SPECC1: variants seen among roughly 807,000 people sequenced by gnomAD.
SPECC1 encodes the protein sperm antigen with calponin homology and coiled-coil domains 1.
In SPECC1, 62 loss-of-function variants were observed where a neutral mutation model predicts 104.1. That is an observed-to-expected ratio of 0.60 (90% CI 0.49 to 0.74). SPECC1 has a LOEUF of 0.74. Among genes scored for constraint, SPECC1 ranks in the 30% least tolerant of loss-of-function variants. SPECC1 has a pLI of 0.00. For missense variants in SPECC1, 1,306 were observed against 1,310.5 expected (o/e 1.00, Z 0.05); for synonymous variants, 513 against 501.6 (o/e 1.02, Z -0.30).
intron 12 of SPECC1, among the ~76,000 whole-genome samples, chr17:20,287,605 T>A (rs1035928278): frequency 3.9e-5 from 6 of 152,150 alleles, no homozygotes; most frequent in African/African-American, 1.4e-4. Flanking sequence ...AAATACACCT[T>A]AGAGCTCATG....
intron 4 of SPECC1, among the ~76,000 whole-genome samples, chr17:20,216,976 G>A (rs1459254590): frequency 1.3e-5 from 2 of 151,690 alleles, no homozygotes; most frequent in African/African-American, 2.4e-5. Context: ...AACATAGCGA[G>A]ACCCCATGTC....
chr17:20,112,127 C>T (rs2048525254), intron 3 of SPECC1: 1 of 763,540 alleles, frequency 1.3e-6, no homozygotes, highest in Non-Finnish European at 2.4e-6. Flanking sequence ...TACTTTACAA[C>T]CACACAGAGC....
chr17:20,316,703 G>GTT lies in SPECC1; in HGVS notation c.*2648_*2649dup. 1 of 180,118 alleles carries GTT rather than the reference G, an allele frequency of 5.6e-6. No individual in the cohort carries two copies. The highest frequency in any genetic ancestry group is 1.2e-5 in the Non-Finnish European group (1 of 85,312). The allele number at this position is 180,118 out of a possible 1,614,324, so 11.2% of individuals were successfully genotyped here. A position where few individuals can be genotyped will look rare whatever the true frequency, so the allele number is the denominator to read the frequency against. On this transcript the variant is annotated 3_prime_UTR_variant, in exon 15 of 15. Transcript: ENST00000395527. The stretch of plus-strand genomic sequence containing the variant: ...GTGTTTTTTTTGTTGTTGTTTGTTT[G>GTT]TTTTTTTTTTTGAGACAGAGTCTTG...
At chr17:20,224,225 G>A (rs1377291397) in intron 4 of SPECC1, among the ~76,000 whole-genome samples, 1 of 152,182 alleles carries the variant, frequency 6.6e-6, no homozygotes, top group African/African-American at 2.4e-5. Flanking sequence ...ATGCTGAGCT[G>A]CCTGGAGTTG....
chr17:20,199,383 GTTT>G (rs3077216), intron 3 of SPECC1, among the ~76,000 whole-genome samples: 7,123 of 62,442 alleles, frequency 0.11, 722 homozygotes, highest in African/African-American at 0.33. Flanking sequence ...CACCGTGCTG[GTTT>G]TTTTTTTTTT....
intron 12 of SPECC1, among the ~76,000 whole-genome samples, chr17:20,271,156 C>T (rs557801957): frequency 6.6e-5 from 10 of 151,844 alleles, no homozygotes; most frequent in South Asian, 2.1e-4. Flanking sequence ...AGCAGTCAGC[C>T]GGCCTGAGAG....
chr17:20,025,782 C>T (rs2044576333), intron 1 of SPECC1, among the ~76,000 whole-genome samples: 1 of 152,174 alleles, frequency 6.6e-6, no homozygotes, highest in Non-Finnish European at 1.5e-5. Context: ...TGAGGAGCTG[C>T]CAGACTGTTT....
chr17:20,047,069 A>T (rs985516088), intron 1 of SPECC1, among the ~76,000 whole-genome samples: 1 of 152,238 alleles, frequency 6.6e-6, no homozygotes, highest in Non-Finnish European at 1.5e-5. Context: ...TGAAGTTCCC[A>T]TTAATGAGCA....
At chr17:20,191,743 G>A (rs2035688000) in intron 3 of SPECC1, among the ~76,000 whole-genome samples, 1 of 151,842 alleles carries the variant, frequency 6.6e-6, no homozygotes, top group African/African-American at 2.4e-5. Flanking sequence ...GAAAGAACAT[G>A]CGATGTTTGG....
intron 1 of SPECC1, among the ~76,000 whole-genome samples, chr17:20,080,751 T>A (rs1408389101): frequency 6.6e-6 from 1 of 152,108 alleles, no homozygotes; most frequent in African/African-American, 2.4e-5. Flanking sequence ...GAGCCCTTAC[T>A]GCATGGGAGG....
chr17:20,170,925 ATC>A (rs1217701965), intron 3 of SPECC1, among the ~76,000 whole-genome samples: 1 of 152,166 alleles, frequency 6.6e-6, no homozygotes, highest in Non-Finnish European at 1.5e-5. Flanking sequence ...CAGAGAATTC[ATC>A]TCTTTCTCTA....
Position 20,156,775 on chromosome 17 carries a change from T to C in SPECC1, c.283+46213T>C, listed in dbSNP as rs188040104. On this transcript the variant is annotated intron_variant, in intron 3 of 14. Transcript: ENST00000395527. ...TTTACTTCCTCAGTCCTGAGTGAGC[T>C]TCGTGGAGTCAGTTGGGCCGTAGTT... 1.2e-4 allele frequency among the ~76,000 whole-genome samples: 19 copies of C among 152,312 alleles called. No individual in the cohort carries two copies. The East Asian group carries it at 3.7e-3, about 29-fold the overall frequency.
chr17:20,015,806 G>C (rs2044099878), intron 1 of SPECC1, among the ~76,000 whole-genome samples: 1 of 149,478 alleles, frequency 6.7e-6, no homozygotes, highest in African/African-American at 2.4e-5. Context: ...GGATGATCTC[G>C]ATCTCCTGAC....
chr17:20,051,077 T>G (rs2045733625), intron 1 of SPECC1, among the ~76,000 whole-genome samples: 1 of 52,032 alleles, frequency 1.9e-5, no homozygotes, highest in African/African-American at 7.6e-5. Flanking sequence ...TTTTTCTTTC[T>G]TTCTTTCTTT....
chr17:20,156,461 C>CGGGGCCGCCGGGCA (rs1233223841), intron 3 of SPECC1, among the ~76,000 whole-genome samples: 4 of 152,270 alleles, frequency 2.6e-5, no homozygotes, highest in Admixed American at 2.6e-4. Flanking sequence ...ACCTGGGCGC[C>CGGGGCCGCCGGGCA]GGGGCCGCCG....
intron 3 of SPECC1, among the ~76,000 whole-genome samples, chr17:20,163,212 C>T (rs1051547639): frequency 4.6e-5 from 7 of 152,094 alleles, no homozygotes; most frequent in Non-Finnish European, 1.0e-4. Context: ...CTTGTTTATA[C>T]GTTACTTTGA....
chr17:20,259,633 G>GTA (rs1299944564), intron 11 of SPECC1, among the ~76,000 whole-genome samples: 1 of 152,032 alleles, frequency 6.6e-6, no homozygotes, highest in East Asian at 1.9e-4. Flanking sequence ...AGCCTCCTGA[G>GTA]TAGCTGGGAT....
chr17:20,266,650 G>C (rs760185855), intron 12 of SPECC1, among the ~76,000 whole-genome samples: 28 of 152,196 alleles, frequency 1.8e-4, no homozygotes, highest in Non-Finnish European at 3.4e-4. Context: ...AACAGTCCCT[G>C]CTCTCATGGA....
intron 3 of SPECC1, among the ~76,000 whole-genome samples, chr17:20,158,423 A>C (rs1293043196): frequency 1.3e-5 from 2 of 152,174 alleles, no homozygotes; most frequent in Admixed American, 1.3e-4. Flanking sequence ...TGGGCAAGGA[A>C]AGCTTTTGAT....
Sources: gnomAD v4.1 joint callset for allele counts (sites outside exome capture counted in the v4.1 genomes callset) on GRCh38, gnomAD v4.1.1 for gene constraint, MANE v1.5 for transcripts, NCBI Gene and HGNC (gene_info 2026-07-23, HGNC 2026-07-21) for gene names.